RPUSD3: variants seen among roughly 807,000 people sequenced by gnomAD.
The protein encoded by RPUSD3 is RNA pseudouridine synthase D3.
A neutral mutation model predicts 35.1 loss-of-function variants in RPUSD3; 36 were observed. The ratio of observed to expected loss-of-function variants is 1.02; its 90% CI spans 0.79 to 1.35. The LOEUF is 1.35. RPUSD3 is among the 40% of genes most tolerant of loss of function. The pLI is 0.00. For missense variants in RPUSD3, 486 were observed against 441.9 expected, an observed-to-expected ratio of 1.10 and a Z score of -0.89; for synonymous variants, 202 against 187.8, an observed-to-expected ratio of 1.08 and a Z score of -0.62.
intron 1 of RPUSD3, 28 bp from the exon 2 acceptor site, chr3:9,843,629 G>A: frequency 6.2e-7 from 1 of 1,611,952 alleles, no homozygotes; most frequent in Non-Finnish European, 8.5e-7. Context: ...AGCAATGGGA[G>A]TCATTCCATC....
intron 8 of RPUSD3, 26 bp downstream of exon 8, chr3:9,839,006 A>G: frequency 6.2e-7 from 1 of 1,613,920 alleles, no homozygotes. Flanking sequence ...CCCCTCAGAA[A>G]GCAGCAGGCA....
exon 9 of RPUSD3, chr3:9,837,963 G>A: frequency 6.7e-7 from 1 of 1,495,536 alleles, no homozygotes; most frequent in African/African-American, 1.4e-5. Flanking sequence ...TGACTGCAGA[G>A]CCCCCACCCT....
rs562457311 is a variant in RPUSD3, at chr3:9,843,877, G to T, written c.125+13C>A. 2 of 1,599,170 alleles carry T rather than the reference G, an allele frequency of 1.3e-6. No individual in the cohort carries two copies. The highest frequency in any genetic ancestry group is 2.3e-5 in the East Asian group (1 of 44,184). ...AGCCTCCGTCCCGCATGAGAGAGGGGGTACTTAATCACCGGGCTTCGGTGC... is the reference window on the plus strand; with the variant it reads ...AGCCTCCGTCCCGCATGAGAGAGGGTGTACTTAATCACCGGGCTTCGGTGC... On this transcript the variant is annotated intron_variant, in intron 1 of 8. Transcript: ENST00000383820.
chr3:9,842,194 C>A lies in RPUSD3; in HGVS notation c.307+5G>T. 6.2e-7 allele frequency: 1 copy of A among 1,614,182 alleles called. No homozygotes were observed. Among genetic ancestry groups the A allele is most frequent in the African/African-American group, 1.3e-5 (1 of 75,036 alleles). On this transcript the variant is annotated splice_donor_5th_base_variant and intron_variant, in intron 3 of 8. Coordinates refer to ENST00000383820, the Ensembl canonical transcript of RPUSD3. ...GCATTCCCTTCCCACATCCCCGGCC[C>A]ATACCTGTCACTGGTAGACCCTGTG... is the stretch of plus-strand genomic sequence containing the variant.
At chr3:9,842,500 G>A in intron 2 of RPUSD3, 1 of 565,050 alleles carries the variant, frequency 1.8e-6, no homozygotes, top group Non-Finnish European at 3.2e-6. Context: ...TCACATCACG[G>A]AGAGGTCTGA....
At chr3:9,841,883 A>G (rs1297455152) in intron 4 of RPUSD3, 100 bp downstream of exon 4, 2 of 1,000,684 alleles carry the variant, frequency 2.0e-6, no homozygotes, top group Non-Finnish European at 3.0e-6. Context: ...ATGATCTCAA[A>G]CCTTCCCATG....
chr3:9,843,141 G>A (rs2082127141), intron 2 of RPUSD3: 1 of 308,946 alleles, frequency 3.2e-6, no homozygotes, highest in Non-Finnish European at 6.1e-6. Context: ...ATCCGCCCGC[G>A]TCAGCACCCT....
At position 9,839,039 on chromosome 3, in the gene RPUSD3, TG is replaced by T; in HGVS notation, c.856del (p.Gln286LysfsTer15). ...GCAGGTGGGCTGGAGTACCTGTCTTTGGGGCTTGTTGTTCTCAGCTGGCAGC... is the reference window on the plus strand; with the variant it reads ...GCAGGTGGGCTGGAGTACCTGTCTTTGGGCTTGTTGTTCTCAGCTGGCAGC... On this transcript the variant is annotated frameshift_variant, in exon 8 of 9. Transcript: ENST00000383820. LOFTEE classifies it low-confidence loss of function (END_TRUNC). 6.2e-7 allele frequency: 1 copy of T among 1,614,160 alleles called. No individual in the cohort carries two copies. The highest frequency in any genetic ancestry group is 8.5e-7 in the Non-Finnish European group (1 of 1,180,018).
At chr3:9,839,320 A>G (rs955500320) in intron 7 of RPUSD3, 149 bp from the exon 8 acceptor site, 1 of 789,414 alleles carries the variant, frequency 1.3e-6, no homozygotes, top group Non-Finnish European at 1.9e-6. Flanking sequence ...CCCTGCATCC[A>G]GAGAGGGACA....
intron 7 of RPUSD3, 114 bp from the exon 8 acceptor site, chr3:9,839,285 G>T: frequency 1.6e-6 from 2 of 1,248,694 alleles, no homozygotes; most frequent in Non-Finnish European, 2.2e-6. Context: ...CAGATCATAT[G>T]TTTCAGTGAG....
intron 2 of RPUSD3, chr3:9,843,247 C>T: frequency 1.6e-6 from 1 of 624,528 alleles, no homozygotes; most frequent in Non-Finnish European, 2.8e-6. Flanking sequence ...GTGCAAGGCT[C>T]GGTAGTTATT....
intron 4 of RPUSD3, chr3:9,841,008 C>T (rs1036953746): frequency 2.4e-6 from 1 of 408,680 alleles, no homozygotes; most frequent in Admixed American, 4.3e-5. Context: ...TTTGCCCCGG[C>T]CCCCAGGGAA....
At chr3:9,840,983 T>G (rs578025857) in intron 4 of RPUSD3, 178 bp from the exon 5 acceptor site, 100 of 486,532 alleles carry the variant, frequency 2.1e-4, no homozygotes, top group African/African-American at 1.9e-3. Context: ...CTATGTAGCT[T>G]AATGTGTTTC....
Position 9,843,662 on chromosome 3 carries a change from C to T in RPUSD3, c.126-61G>A. Reference sequence around the variant, plus strand: ...ATCCCGAGGTGCCACCCATTCCTATCTCCGGACGCCTCTTCCCAAATCCTG... The same window carrying T: ...ATCCCGAGGTGCCACCCATTCCTATTTCCGGACGCCTCTTCCCAAATCCTG... On this transcript the variant is annotated intron_variant, in intron 1 of 8. Coordinates refer to ENST00000383820, the Ensembl canonical transcript of RPUSD3. 3 of 1,583,402 alleles carry T rather than the reference C, an allele frequency of 1.9e-6. No homozygotes were observed. The South Asian group carries it at 3.4e-5, about 18-fold the overall frequency.
At chr3:9,839,258 A>G (rs951284564) in intron 7 of RPUSD3, 87 bp from the exon 8 acceptor site, 2 of 1,456,900 alleles carry the variant, frequency 1.4e-6, no homozygotes, top group African/African-American at 2.8e-5. Flanking sequence ...CCTTTGGGGA[A>G]ACACCACCCC....
rs773018308 is a variant in RPUSD3 at position 9,840,548 on chromosome 3, A to G, written c.584T>C (p.Ile195Thr). 8 of 1,613,870 alleles carry G rather than the reference A, an allele frequency of 5.0e-6. No individual in the cohort carries two copies. The Admixed American group carries it at 8.3e-5, about 17-fold the overall frequency. ...CGGACTCACGAGATTGACCCCATCA[A>G]TGTGTTCCAGTTTCAGGGCAGCCTG... Residue 195 changes from isoleucine (I) to threonine (T), a missense_variant, in exon 6 of 9, where the codon ATT (isoleucine) becomes ACT (threonine). By Grantham distance (89) the Ile-to-Thr change is moderately conservative. Coordinates refer to ENST00000383820, the Ensembl canonical transcript of RPUSD3.
At chr3:9,838,778 T>C (rs934268925) in intron 8 of RPUSD3, among the ~76,000 whole-genome samples, 1 of 152,218 alleles carries the variant, frequency 6.6e-6, no homozygotes, top group African/African-American at 2.4e-5. Context: ...ACTCAAAGAA[T>C]GGCAGACTTA....
At chr3:9,843,641 C>A in intron 1 of RPUSD3, 40 bp from the exon 2 acceptor site, 3 of 1,607,094 alleles carry the variant, frequency 1.9e-6, no homozygotes, top group Non-Finnish European at 2.5e-6. Flanking sequence ...CATTCCATCC[C>A]GAGGTGCCAC....
At chr3:9,843,066 G>A (rs9812740) in intron 2 of RPUSD3, 42,867 of 172,186 alleles carry the variant, frequency 0.25, 7,378 homozygotes, top group African/African-American at 0.5. Context: ...TAATTTTTGT[G>A]TTTTTAGTAG....
Sources: allele counts gnomAD v4.1 joint callset (sites outside exome capture counted in the v4.1 genomes callset), GRCh38; gene constraint gnomAD v4.1.1; transcripts MANE v1.5; gene names NCBI Gene and HGNC (gene_info 2026-07-23, HGNC 2026-07-21).